Variants in TMC5 observed in about 807,000 individuals in gnomAD.
The protein encoded by TMC5 is transmembrane channel-like protein 5.
A neutral mutation model predicts 110.5 loss-of-function variants in TMC5; 86 were observed. The ratio of observed to expected loss-of-function variants is 0.78; its 90% CI spans 0.65 to 0.93. TMC5 has a LOEUF of 0.93. Ranked by LOEUF, TMC5 falls within the 40% of genes least tolerant of loss-of-function variation. The pLI, the probability that TMC5 is intolerant of heterozygous loss-of-function variation, is 0.00. For synonymous variants in TMC5, 455 were observed against 439.5 expected, an observed-to-expected ratio of 1.04 and a Z score of -0.44; for missense variants, 1,144 against 1,222.8, an observed-to-expected ratio of 0.94 and a Z score of 0.96.
chr16:19,442,063 A>T (rs1297054136), intron 3 of TMC5, among the ~76,000 whole-genome samples: 1 of 152,164 alleles, frequency 6.6e-6, no homozygotes, highest in East Asian at 1.9e-4. Flanking sequence ...TCAGCCTCCC[A>T]AAGTGCTGGG....
chr16:19,466,414 C>G (rs1265577444), intron 9 of TMC5, among the ~76,000 whole-genome samples, 181 bp downstream of exon 9: 1 of 152,126 alleles, frequency 6.6e-6, no homozygotes, highest in Non-Finnish European at 1.5e-5. Context: ...TACAGTGGCG[C>G]AATCTGGGCT....
In TMC5 at chr16:19,420,112, C is replaced by T. The variant is rs115232442; in HGVS notation, c.-308+2020C>T. ...AAGTAGCTGGGACTACAGGCGTGCA[C>T]CACCATTAATGATTAAAAATCAACT... On this transcript the variant is annotated intron_variant, in intron 1 of 21. Coordinates refer to ENST00000542583, the MANE Select transcript of TMC5 (RefSeq NM_001261841.2). Among the ~76,000 whole-genome samples, 496 of 152,106 alleles carry T rather than the reference C, an allele frequency of 3.3e-3. 4 individuals are homozygous for T. The highest frequency in any genetic ancestry group is 0.011 in the African/African-American group (461 of 41,478).
At chr16:19,476,759 G>C (rs551722045) in intron 12 of TMC5, among the ~76,000 whole-genome samples, 1 of 152,314 alleles carries the variant, frequency 6.6e-6, no homozygotes, top group East Asian at 1.9e-4. Context: ...CAGTGGCTTC[G>C]AACACAAAGG....
intron 4 of TMC5, among the ~76,000 whole-genome samples, chr16:19,445,939 T>C (rs1967603814): frequency 6.6e-6 from 1 of 151,432 alleles, no homozygotes. Flanking sequence ...CACTTGAGCC[T>C]GGGAGGTTGA....
intron 6 of TMC5, 60 bp from the exon 7 acceptor site, chr16:19,463,220 T>G (rs951409832): frequency 1.5e-6 from 2 of 1,331,300 alleles, no homozygotes; most frequent in Non-Finnish European, 2.2e-6. Context: ...ATGTAACTAT[T>G]TTTTGAATGA....
At chr16:19,449,428 G>A (rs530702942) in intron 4 of TMC5, 114 bp from the exon 5 acceptor site, 1 of 852,416 alleles carries the variant, frequency 1.2e-6, no homozygotes, top group South Asian at 1.5e-5. Flanking sequence ...CAAAGACCAG[G>A]TCTCAGTCTT....
chr16:19,441,322 T>G (rs1275886322), intron 3 of TMC5, among the ~76,000 whole-genome samples: 1 of 151,966 alleles, frequency 6.6e-6, no homozygotes, highest in Non-Finnish European at 1.5e-5. Flanking sequence ...TTTTTCTTAT[T>G]TTTTTTATTT....
rs577719540 is a variant in TMC5 at position 19,476,351 on chromosome 16, A to G, written c.2091-1089A>G. Among the ~76,000 whole-genome samples, 4 of 152,236 alleles carry G rather than the reference A, an allele frequency of 2.6e-5. No individual in the cohort carries two copies. In the South Asian group the frequency reaches 8.3e-4, roughly 32 times the overall value. ...AACAGAGTGAGACCCTGTCGGAAGA[A>G]AGAAAGAGAGAAAGAGAGAGAGAGA... On this transcript the variant is annotated intron_variant, in intron 12 of 21. Coordinates refer to ENST00000542583, the MANE Select transcript of TMC5 (RefSeq NM_001261841.2).
At chr16:19,438,049 C>G (rs931090244) in intron 2 of TMC5, among the ~76,000 whole-genome samples, 1 of 151,960 alleles carries the variant, frequency 6.6e-6, no homozygotes, top group Non-Finnish European at 1.5e-5. Flanking sequence ...GGACCAAGAG[C>G]GAGGGAGAGT....
rs1241675667 is a variant in TMC5, at chr16:19,457,081, ATAT to A, written c.1049-3152_1049-3150del. The stretch of plus-strand genomic sequence containing the variant: ...AAAAGGCTTCCTCGTTGTCCACAGC[ATAT>A]TTTACTTTTTAGATATCAAGTGGGG... On this transcript the variant is annotated intron_variant, in intron 5 of 21. Transcript: ENST00000542583. 4.3e-6 allele frequency: 6 copies of A among 1,405,078 alleles called. No homozygotes were observed. In the Admixed American group the frequency reaches 6.2e-5, roughly 14 times the overall value. 87.0% of individuals were successfully genotyped at this position (1,405,078 alleles called of 1,614,324 possible).
chr16:19,482,516 G>A (rs1968643402), intron 15 of TMC5, among the ~76,000 whole-genome samples: 1 of 152,114 alleles, frequency 6.6e-6, no homozygotes, highest in African/African-American at 2.4e-5. Context: ...AAAGATCTGT[G>A]GCAAACTGAG....
At chr16:19,424,733 C>T (rs114229302) in intron 1 of TMC5, among the ~76,000 whole-genome samples, 1 of 152,184 alleles carries the variant, frequency 6.6e-6, no homozygotes, top group East Asian at 1.9e-4. Context: ...GTCCCAAGTT[C>T]AGGAGCTTCT....
chr16:19,469,998 C>T (rs562452283), intron 10 of TMC5, among the ~76,000 whole-genome samples, 173 bp downstream of exon 10: 2 of 148,056 alleles, frequency 1.4e-5, no homozygotes, highest in East Asian at 4.1e-4. Context: ...GGGTTCACGC[C>T]ATTCTCCTGC....
intron 2 of TMC5, among the ~76,000 whole-genome samples, chr16:19,438,390 CAAAAAAAA>C (rs60807937): frequency 6.7e-5 from 4 of 60,034 alleles, no homozygotes. Context: ...GACACCCTGT[CAAAAAAAA>C]AAAAAAAAAA....
chr16:19,440,581 T>C lies in TMC5; in HGVS notation c.543T>C (p.His181=). 1 of 1,614,146 alleles carries C rather than the reference T, an allele frequency of 6.2e-7. No individual in the cohort carries two copies. The highest frequency in any genetic ancestry group is 8.5e-7 in the Non-Finnish European group (1 of 1,180,028). ...CTGGACCCAGAGCCAATTTGAACCA[T>C]CCAGGATCCAGAAAGAATCTGGAAC... ...DHPGPRANLN[H]PGSRKNLEHT... Residue 181 remains histidine, a synonymous_variant, in exon 3 of 22, where the codon CAT becomes CAC. Coordinates refer to ENST00000542583, the MANE Select transcript of TMC5 (RefSeq NM_001261841.2).
At chr16:19,483,598 G>T (rs957431143) in intron 15 of TMC5, among the ~76,000 whole-genome samples, 7 of 151,834 alleles carry the variant, frequency 4.6e-5, no homozygotes, top group Non-Finnish European at 8.8e-5. Context: ...GACAAACATG[G>T]TGAAACCCCA....
At chr16:19,434,495 TAGAG>T (rs149265842) in intron 2 of TMC5, among the ~76,000 whole-genome samples, 10,974 of 70,274 alleles carry the variant, frequency 0.16, 1,127 homozygotes, top group African/African-American at 0.32. Flanking sequence ...TAGATAGATA[TAGAG>T]AGAGAGAGAG....
intron 9 of TMC5, among the ~76,000 whole-genome samples, chr16:19,468,482 C>G (rs554598993): frequency 3.6e-4 from 55 of 152,234 alleles, no homozygotes; most frequent in African/African-American, 1.1e-3. Flanking sequence ...CCCGACCCCC[C>G]CCAGAGAAGT....
intron 6 of TMC5, chr16:19,462,583 T>C (rs1968052159): frequency 1.4e-6 from 1 of 699,826 alleles, no homozygotes; most frequent in African/African-American, 1.7e-5. Context: ...AGACGGCATG[T>C]GCAGGGGAAC....
Sources: allele counts gnomAD v4.1 joint callset (sites outside exome capture counted in the v4.1 genomes callset), GRCh38; gene constraint gnomAD v4.1.1; transcripts MANE v1.5; gene names NCBI Gene and HGNC (gene_info 2026-07-23, HGNC 2026-07-21).